CTNND2: variants seen among roughly 807,000 people sequenced by gnomAD.
CTNND2 encodes the protein catenin delta-2.
In CTNND2, 22 loss-of-function variants were observed where a neutral mutation model predicts 144.4. The observed-to-expected ratio is 0.15, with a 90% CI of 0.11 to 0.22. CTNND2 has a LOEUF of 0.22. CTNND2 is among the 10% of genes least tolerant of loss of function. The probability of loss-of-function intolerance (pLI) is 1.00; values close to 1 mark genes in which losing one functional copy is unlikely to be tolerated. For missense variants in CTNND2, 1,353 were observed against 1,618.8 expected, an observed-to-expected ratio of 0.84 and a Z score of 2.82; for synonymous variants, 751 against 695.6, an observed-to-expected ratio of 1.08 and a Z score of -1.25.
At chr5:11,285,972 T>C (rs1747704680) in intron 9 of CTNND2, among the ~76,000 whole-genome samples, 1 of 152,118 alleles carries the variant, frequency 6.6e-6, no homozygotes, top group Non-Finnish European at 1.5e-5. Flanking sequence ...TGCCACAGCA[T>C]AAATGTAGGA....
intron 9 of CTNND2, among the ~76,000 whole-genome samples, chr5:11,271,964 G>A (rs1048782154): frequency 1.3e-5 from 2 of 151,884 alleles, no homozygotes; most frequent in African/African-American, 2.4e-5. Context: ...TATAAATGAA[G>A]TATAATATAA....
intron 13 of CTNND2, among the ~76,000 whole-genome samples, chr5:11,112,756 C>T (rs1372042127): frequency 1.3e-5 from 2 of 152,158 alleles, no homozygotes; most frequent in Admixed American, 1.3e-4. Context: ...CAATCCTGGG[C>T]CTACCATTTC....
chr5:11,869,136 A>G (rs1795908640), intron 1 of CTNND2, among the ~76,000 whole-genome samples: 1 of 152,196 alleles, frequency 6.6e-6, no homozygotes, highest in Admixed American at 6.5e-5. Context: ...ACCCTCATGC[A>G]TTGCTAACAG....
intron 2 of CTNND2, among the ~76,000 whole-genome samples, chr5:11,578,666 C>CATAA (rs1554088025): frequency 1.0e-4 from 9 of 87,754 alleles, no homozygotes; most frequent in African/African-American, 3.1e-4. Context: ...ATCACAAATA[C>CATAA]ATGAATAAAT....
intron 9 of CTNND2, among the ~76,000 whole-genome samples, chr5:11,345,790 A>C (rs1322423034): frequency 3.9e-5 from 6 of 152,104 alleles, no homozygotes; most frequent in African/African-American, 1.4e-4. Context: ...AAGAAAGAAA[A>C]AACAGCAACA....
At chr5:11,745,300 C>T (rs1380309315) in intron 1 of CTNND2, among the ~76,000 whole-genome samples, 3 of 152,206 alleles carry the variant, frequency 2.0e-5, no homozygotes, top group South Asian at 4.2e-4. Flanking sequence ...TCTTTAGATG[C>T]GCCCTTCGTG....
intron 9 of CTNND2, among the ~76,000 whole-genome samples, chr5:11,240,523 A>AGC (rs1742227644): frequency 2.0e-5 from 2 of 102,284 alleles, no homozygotes; most frequent in African/African-American, 4.1e-5. Context: ...ACACACACCC[A>AGC]ACACACACAC....
chr5:11,444,135 G>A (rs1764585547), intron 3 of CTNND2, among the ~76,000 whole-genome samples: 1 of 152,164 alleles, frequency 6.6e-6, no homozygotes, highest in Non-Finnish European at 1.5e-5. Context: ...AAGACACTTA[G>A]AAGTAAGTAA....
chr5:11,383,002 C>G (rs1041237771), intron 7 of CTNND2, among the ~76,000 whole-genome samples: 1 of 152,140 alleles, frequency 6.6e-6, no homozygotes, highest in African/African-American at 2.4e-5. Context: ...ATAGAAGGAG[C>G]TGTTGGCTCT....
intron 3 of CTNND2, among the ~76,000 whole-genome samples, chr5:11,517,767 T>C (rs1235783612): frequency 3.3e-5 from 5 of 151,890 alleles, no homozygotes; most frequent in Admixed American, 2.0e-4. Flanking sequence ...TCTGCCTGTG[T>C]ATCCCAGAAC....
intron 1 of CTNND2, among the ~76,000 whole-genome samples, chr5:11,807,625 A>G (rs948914119): frequency 3.9e-5 from 6 of 152,152 alleles, no homozygotes; most frequent in Non-Finnish European, 7.3e-5. Flanking sequence ...CATCTAATAC[A>G]ACCTTAGAAT....
intron 10 of CTNND2, among the ~76,000 whole-genome samples, chr5:11,223,399 G>A (rs1284362912): frequency 6.6e-6 from 1 of 152,230 alleles, no homozygotes; most frequent in East Asian, 1.9e-4. Context: ...AGTTGGGGAA[G>A]AAGATGCCAG....
intron 2 of CTNND2, among the ~76,000 whole-genome samples, chr5:11,699,901 C>A (rs1211148714): frequency 6.6e-6 from 1 of 152,180 alleles, no homozygotes; most frequent in East Asian, 1.9e-4. Context: ...TGGGGTTTCC[C>A]TCTTTGGTTC....
intron 10 of CTNND2, among the ~76,000 whole-genome samples, chr5:11,235,566 C>T (rs1741533103): frequency 6.6e-6 from 1 of 152,088 alleles, no homozygotes; most frequent in Admixed American, 6.5e-5. Context: ...AGGGGGCTGC[C>T]CTGCACTTTC....
At chr5:11,118,577 T>C (rs1433188863) in intron 12 of CTNND2, among the ~76,000 whole-genome samples, 3 of 152,126 alleles carry the variant, frequency 2.0e-5, no homozygotes, top group Admixed American at 6.5e-5. Context: ...AACTTGCATA[T>C]CCTTGGTGAT....
intron 10 of CTNND2, among the ~76,000 whole-genome samples, chr5:11,222,542 A>C (rs1739904781): frequency 6.6e-6 from 1 of 152,210 alleles, no homozygotes; most frequent in Admixed American, 6.5e-5. Context: ...GTGTTGGCTC[A>C]CGCCTGTATT....
intron 10 of CTNND2, among the ~76,000 whole-genome samples, chr5:11,206,147 G>C (rs1024557903): frequency 2.6e-5 from 4 of 152,174 alleles, no homozygotes; most frequent in Admixed American, 6.5e-5. Flanking sequence ...ATGTTGATAT[G>C]TGATAGTGAA....
intron 16 of CTNND2, among the ~76,000 whole-genome samples, chr5:11,052,687 C>T (rs1179777732): frequency 6.6e-6 from 1 of 152,094 alleles, no homozygotes; most frequent in Non-Finnish European, 1.5e-5. Context: ...TCCCCCTTAC[C>T]ACAGTAAGAA....
intron 2 of CTNND2, among the ~76,000 whole-genome samples, chr5:11,691,250 A>G (rs1309380930): frequency 6.6e-6 from 1 of 152,078 alleles, no homozygotes; most frequent in Non-Finnish European, 1.5e-5. Flanking sequence ...GGGTGCCTGT[A>G]GTCCCAGTTA....
Sources: allele counts gnomAD v4.1 joint callset (sites outside exome capture counted in the v4.1 genomes callset), GRCh38; gene constraint gnomAD v4.1.1; transcripts MANE v1.5; gene names NCBI Gene and HGNC (gene_info 2026-07-23, HGNC 2026-07-21).